The following KIAA1217 variants were observed in gnomAD, a reference collection of about 807,000 sequenced individuals.
KIAA1217 encodes the protein sickle tail protein homolog.
KIAA1217 carries 88 observed loss-of-function variants against 163.9 expected under a neutral mutation model. That is an observed-to-expected ratio of 0.54 (90% confidence interval 0.45 to 0.64). The LOEUF (loss-of-function observed/expected upper bound fraction) is 0.64. Among genes scored for constraint, KIAA1217 ranks in the 30% least tolerant of loss-of-function variants. KIAA1217 has a pLI of 0.00. For synonymous variants in KIAA1217, 903 were observed against 923.1 expected (o/e 0.98, Z 0.39); for missense variants, 2,372 against 2,475.0 (o/e 0.96, Z 0.88).
intron 2 of KIAA1217, among the ~76,000 whole-genome samples, chr10:24,226,963 T>G (rs1454954974): frequency 1.3e-5 from 2 of 152,266 alleles, no homozygotes; most frequent in African/African-American, 4.8e-5. Flanking sequence ...TTTCAATCTT[T>G]ACTCCCAGTT....
chr10:24,074,062 G>C (rs1158681642), intron 2 of KIAA1217, among the ~76,000 whole-genome samples: 1 of 152,068 alleles, frequency 6.6e-6, no homozygotes, highest in Non-Finnish European at 1.5e-5. Context: ...AAAAAAATTA[G>C]GCCAGGCATG....
rs549753439 is a variant in KIAA1217, at chr10:24,033,743, G to A, written c.-171+26369G>A. On this transcript the variant is annotated intron_variant, in intron 2 of 18. Transcript: ENST00000376462. ...TACATGGTTTTAACTGGCTGCTACT[G>A]AACAGGTGTCAACAAAGTACTACCA... Among the ~76,000 whole-genome samples the A allele has an allele frequency of 3.9e-5, 6 of 152,316 alleles. No individual in the cohort carries two copies. In the South Asian group the frequency reaches 1.2e-3, roughly 32 times the overall value.
At chr10:24,005,114 G>A (rs1846934484) in intron 1 of KIAA1217, among the ~76,000 whole-genome samples, 1 of 152,308 alleles carries the variant, frequency 6.6e-6, no homozygotes, top group Admixed American at 6.5e-5. Context: ...CTGGGATTTG[G>A]GATCAGGCTT....
At chr10:23,704,172 G>GTGTATATATATA (rs1229370789) in intron 1 of KIAA1217, among the ~76,000 whole-genome samples, 19 of 39,942 alleles carry the variant, frequency 4.8e-4, no homozygotes, top group South Asian at 1.2e-3. Flanking sequence ...GTGTGTGTGT[G>GTGTATATATATA]TATATATATA....
chr10:23,959,014 C>A (rs117509169), intron 1 of KIAA1217, among the ~76,000 whole-genome samples: 72 of 150,580 alleles, frequency 4.8e-4, no homozygotes, highest in Non-Finnish European at 8.0e-4. Flanking sequence ...GCCACGCTCT[C>A]GAACCATGGG....
chr10:24,094,694 C>T (rs1329270454), intron 2 of KIAA1217, among the ~76,000 whole-genome samples: 2 of 152,196 alleles, frequency 1.3e-5, no homozygotes, highest in Non-Finnish European at 2.9e-5. Flanking sequence ...CAGGGACCCA[C>T]TTGAGGAGGC....
chr10:24,283,627 C>T (rs1017792251), intron 2 of KIAA1217, among the ~76,000 whole-genome samples: 2 of 152,032 alleles, frequency 1.3e-5, no homozygotes, highest in African/African-American at 2.4e-5. Context: ...TGTTGTGCCA[C>T]CGCACTTCAG....
intron 1 of KIAA1217, among the ~76,000 whole-genome samples, chr10:23,770,620 T>C (rs780314449): frequency 4.6e-5 from 7 of 152,204 alleles, no homozygotes; most frequent in Non-Finnish European, 1.0e-4. Flanking sequence ...AAAAAGTTAG[T>C]GTCCAGTGGT....
intron 2 of KIAA1217, among the ~76,000 whole-genome samples, chr10:24,229,107 G>A (rs2071003505): frequency 6.6e-6 from 1 of 152,134 alleles, no homozygotes; most frequent in Non-Finnish European, 1.5e-5. Flanking sequence ...TCTTGGCTCT[G>A]ATCTATATCT....
chr10:24,380,822 A>AT, intron 2 of KIAA1217, 47 bp from the exon 3 acceptor site: 1 of 1,368,448 alleles, frequency 7.3e-7, no homozygotes, highest in Non-Finnish European at 9.8e-7. Flanking sequence ...TTTCCACACG[A>AT]TTAATAATAG....
intron 6 of KIAA1217, among the ~76,000 whole-genome samples, chr10:24,487,646 GTT>G (rs5783893): frequency 6.6e-6 from 1 of 152,226 alleles, no homozygotes; most frequent in East Asian, 1.9e-4. Context: ...ATTTTTGCCT[GTT>G]TTTTTTACAG....
intron 2 of KIAA1217, among the ~76,000 whole-genome samples, chr10:24,377,512 T>C (rs1466158392): frequency 6.6e-6 from 1 of 152,138 alleles, no homozygotes; most frequent in Non-Finnish European, 1.5e-5. Context: ...AACTCCAACA[T>C]AAAGAATTTT....
Position 24,017,370 on chromosome 10 carries a change from T to C in KIAA1217, c.-171+9996T>C, listed in dbSNP as rs143821329. ...CCACCGTGCCCAGCCAGAAATCATA[T>C]TTTTGATGCATGAAGTAGAGAGCCT... On this transcript the variant is annotated intron_variant, in intron 2 of 18. Transcript: ENST00000376462. Among the ~76,000 whole-genome samples the C allele has an allele frequency of 4.3e-4, 66 of 152,214 alleles. 1 individual carries two copies. The highest frequency in any genetic ancestry group is 1.5e-3 in the African/African-American group (62 of 41,550).
intron 1 of KIAA1217, among the ~76,000 whole-genome samples, chr10:23,704,042 G>C (rs1164216602): frequency 2.0e-5 from 3 of 148,084 alleles, no homozygotes; most frequent in East Asian, 3.9e-4. Context: ...CCGAGGACTG[G>C]TGTAATATAT....
At chr10:24,020,549 A>G (rs537661590) in intron 2 of KIAA1217, among the ~76,000 whole-genome samples, 5 of 152,142 alleles carry the variant, frequency 3.3e-5, no homozygotes, top group African/African-American at 1.2e-4. Flanking sequence ...TTTCAGAGAG[A>G]CCACAGAAAA....
intron 1 of KIAA1217, among the ~76,000 whole-genome samples, chr10:23,910,164 G>A (rs1842368104): frequency 6.6e-6 from 1 of 152,036 alleles, no homozygotes; most frequent in Non-Finnish European, 1.5e-5. Flanking sequence ...GTGGGGGCTG[G>A]GGAAGGATAG....
chr10:24,085,261 GT>G lies in KIAA1217; in HGVS notation c.-171+77889del, dbSNP rs149753988. Among the ~76,000 whole-genome samples the G allele has an allele frequency of 1.6e-3, 246 of 152,142 alleles. 3 individuals are homozygous for G. The East Asian group carries it at 0.029, about 18-fold the overall frequency. ...ATAGATGATGATAGATAGTTCAGTGGTTCGCAGACTTTGGAATTTCATAAAC... is the reference window on the plus strand; with the variant it reads ...ATAGATGATGATAGATAGTTCAGTGGTCGCAGACTTTGGAATTTCATAAAC... On this transcript the variant is annotated intron_variant, in intron 2 of 18. Coordinates refer to the KIAA1217 transcript ENST00000376462.
At chr10:24,426,035 A>T (rs938217564) in intron 3 of KIAA1217, among the ~76,000 whole-genome samples, 5 of 152,230 alleles carry the variant, frequency 3.3e-5, no homozygotes, top group Non-Finnish European at 7.3e-5. Context: ...GCCATTTGCC[A>T]CTGGTATTGC....
chr10:23,703,414 T>C (rs531646886), intron 1 of KIAA1217, among the ~76,000 whole-genome samples: 1 of 152,242 alleles, frequency 6.6e-6, no homozygotes, highest in Non-Finnish European at 1.5e-5. Flanking sequence ...AAAAATCTGA[T>C]TGTAGGTTTC....
Sources: gnomAD v4.1 joint callset for allele counts (sites outside exome capture counted in the v4.1 genomes callset) on GRCh38, gnomAD v4.1.1 for gene constraint, MANE v1.5 for transcripts, NCBI Gene and HGNC (gene_info 2026-07-23, HGNC 2026-07-21) for gene names.